TCF12: variants seen among roughly 807,000 people sequenced by gnomAD.
TCF12 encodes transcription factor 12.
TCF12 carries 45 observed loss-of-function variants against 86.0 expected under a neutral mutation model. The observed-to-expected ratio is 0.52, with a 90% CI of 0.41 to 0.67. TCF12 has a LOEUF of 0.67. TCF12 is among the 30% of genes least tolerant of loss of function. TCF12 has a pLI of 0.00. For synonymous variants in TCF12, 330 were observed against 299.6 expected (o/e 1.10, Z -1.05); for missense variants, 881 against 859.9 (o/e 1.02, Z -0.31).
At chr15:57,030,554 T>G (rs964374086) in intron 3 of TCF12, among the ~76,000 whole-genome samples, 1 of 152,214 alleles carries the variant, frequency 6.6e-6, no homozygotes, top group African/African-American at 2.4e-5. Context: ...AATAAATATT[T>G]GTTTCTTATT....
chr15:57,058,494 G>A (rs1741266234), intron 3 of TCF12, among the ~76,000 whole-genome samples: 1 of 152,186 alleles, frequency 6.6e-6, no homozygotes, highest in African/African-American at 2.4e-5. Context: ...GGTTTCAACA[G>A]TGCCAAACAA....
chr15:57,197,340 G>T (rs553099334), intron 7 of TCF12, among the ~76,000 whole-genome samples: 1 of 151,702 alleles, frequency 6.6e-6, no homozygotes, highest in Admixed American at 6.6e-5. Flanking sequence ...TGTATTTTTA[G>T]TAGAGATGGG....
chr15:57,014,032 T>G (rs571378305), intron 3 of TCF12, among the ~76,000 whole-genome samples: 1 of 152,290 alleles, frequency 6.6e-6, no homozygotes, highest in South Asian at 2.1e-4. Context: ...GACTTGTGGC[T>G]CCTGCCAAAA....
chr15:57,014,895 G>GTTATTA lies in TCF12; in HGVS notation c.149-48839_149-48834dup, dbSNP rs1178540327. On this transcript the variant is annotated intron_variant, in intron 3 of 20. Transcript: ENST00000333725. ...TATTATTATTATTATTATTATTATT[G>GTTATTA]TTATTATTATTATTATTATTAATGT... 2.9e-3 allele frequency among the ~76,000 whole-genome samples: 172 copies of GTTATTA among 59,608 alleles called. 1 individual carries two copies. Among genetic ancestry groups the GTTATTA allele is most frequent in the African/African-American group, 0.012 (164 of 13,130 alleles). The allele number at this position is 59,608 out of a possible 152,430, so 39.1% of individuals were successfully genotyped here.
intron 3 of TCF12, among the ~76,000 whole-genome samples, chr15:56,996,552 G>A (rs1286212784): frequency 1.3e-5 from 2 of 152,004 alleles, no homozygotes; most frequent in East Asian, 3.8e-4. Context: ...ACGAAAACCT[G>A]GAAATACTCT....
At chr15:57,212,523 C>T (rs1271688001) in intron 8 of TCF12, among the ~76,000 whole-genome samples, 4 of 152,172 alleles carry the variant, frequency 2.6e-5, no homozygotes, top group African/African-American at 9.6e-5. Context: ...AGGGATCTTC[C>T]CACCTTGGCC....
intron 9 of TCF12, among the ~76,000 whole-genome samples, chr15:57,232,013 T>G (rs1453856509): frequency 1.3e-5 from 2 of 152,204 alleles, no homozygotes; most frequent in Non-Finnish European, 2.9e-5. Flanking sequence ...AAATTTGGAA[T>G]TTTTACTATC....
chr15:57,170,660 A>ATATT (rs2055278725), intron 6 of TCF12, among the ~76,000 whole-genome samples: 25 of 53,972 alleles, frequency 4.6e-4, no homozygotes, highest in South Asian at 2.7e-3. Context: ...TATTATATAA[A>ATATT]ATATATATAT....
At chr15:57,227,795 A>C (rs749574966) in intron 8 of TCF12, among the ~76,000 whole-genome samples, 6 of 152,140 alleles carry the variant, frequency 3.9e-5, no homozygotes, top group Non-Finnish European at 7.4e-5. Context: ...CATTCTGAAA[A>C]GGAGGATAGA....
chr15:56,989,046 A>G (rs1351382376), intron 3 of TCF12, among the ~76,000 whole-genome samples: 9 of 152,194 alleles, frequency 5.9e-5, no homozygotes, highest in Admixed American at 4.6e-4. Flanking sequence ...TAAAGATTTT[A>G]AAAATAACAT....
At chr15:57,046,950 A>C (rs1286054488) in intron 3 of TCF12, among the ~76,000 whole-genome samples, 1 of 152,172 alleles carries the variant, frequency 6.6e-6, no homozygotes, top group African/African-American at 2.4e-5. Context: ...AATCTTGTTG[A>C]TGATGTAATT....
chr15:56,999,683 G>A (rs1215907960), intron 3 of TCF12, among the ~76,000 whole-genome samples: 2 of 152,058 alleles, frequency 1.3e-5, no homozygotes, highest in African/African-American at 4.8e-5. Context: ...AGACCAGCCT[G>A]GCCAATGTGG....
intron 4 of TCF12, among the ~76,000 whole-genome samples, chr15:57,072,183 A>G (rs1339690339): frequency 1.3e-5 from 2 of 152,172 alleles, no homozygotes; most frequent in African/African-American, 4.8e-5. Context: ...TCAGATTGCA[A>G]AGTTATATAA....
intron 5 of TCF12, among the ~76,000 whole-genome samples, chr15:57,120,665 A>G (rs1460492674): frequency 1.3e-5 from 2 of 152,182 alleles, no homozygotes; most frequent in Non-Finnish European, 2.9e-5. Context: ...ATGCCCCACC[A>G]TATCTAATTT....
intron 3 of TCF12, among the ~76,000 whole-genome samples, chr15:56,965,364 C>T (rs1272388398): frequency 6.6e-6 from 1 of 152,022 alleles, no homozygotes; most frequent in East Asian, 1.9e-4. Context: ...CAGTTTTGAG[C>T]AACACTACTG....
At chr15:57,158,447 G>A (rs1596910868) in intron 5 of TCF12, among the ~76,000 whole-genome samples, 1 of 152,048 alleles carries the variant, frequency 6.6e-6, no homozygotes, top group East Asian at 1.9e-4. Context: ...TCAAAGTGCT[G>A]GGATTACAGA....
At chr15:57,214,524 CTGTTT>C (rs2058253745) in intron 8 of TCF12, 1 of 152,092 alleles carries the variant, frequency 6.6e-6, no homozygotes, top group South Asian at 2.1e-4. Flanking sequence ...TAGGTGTTTT[CTGTTT>C]TGTTAATCAT....
At chr15:57,150,326 G>C (rs1185770744) in intron 5 of TCF12, among the ~76,000 whole-genome samples, 1 of 152,134 alleles carries the variant, frequency 6.6e-6, no homozygotes, top group African/African-American at 2.4e-5. Flanking sequence ...ACACAAAGCT[G>C]GGAATAATTC....
chr15:56,955,602 C>G (rs189415261), intron 3 of TCF12, among the ~76,000 whole-genome samples: 2 of 152,112 alleles, frequency 1.3e-5, no homozygotes, highest in African/African-American at 4.8e-5. Flanking sequence ...AGAGAACATG[C>G]TTTGTATGAA....
Sources: allele counts gnomAD v4.1 joint callset (sites outside exome capture counted in the v4.1 genomes callset), GRCh38; gene constraint gnomAD v4.1.1; transcripts MANE v1.5; gene names NCBI Gene and HGNC (gene_info 2026-07-23, HGNC 2026-07-21).